BCL9: variants seen among roughly 807,000 people sequenced by gnomAD.
The protein encoded by BCL9 is BCL9 transcription coactivator.
BCL9 carries 25 observed loss-of-function variants against 88.5 expected under a neutral mutation model. The observed-to-expected ratio is 0.28, with a 90% CI of 0.21 to 0.39. BCL9 has a LOEUF of 0.39. Among genes scored for constraint, BCL9 ranks in the 10% least tolerant of loss-of-function variants. The pLI is 1.00. For synonymous variants in BCL9, 711 were observed against 673.3 expected, an observed-to-expected ratio of 1.06 and a Z score of -0.87; for missense variants, 1,817 against 1,877.8, an observed-to-expected ratio of 0.97 and a Z score of 0.60.
intron 9 of BCL9, among the ~76,000 whole-genome samples, chr1:147,623,362 C>T (rs887707809): frequency 2.0e-5 from 3 of 152,082 alleles, no homozygotes; most frequent in African/African-American, 4.8e-5. Context: ...CGTGGAATCT[C>T]GAGTTTTAAA....
chr1:147,616,333 C>G (rs116161634), intron 7 of BCL9, among the ~76,000 whole-genome samples: 1 of 152,168 alleles, frequency 6.6e-6, no homozygotes. Flanking sequence ...AGAGCCTCAT[C>G]GACTTTCAGA....
chr1:147,610,602 C>T (rs970234249), intron 3 of BCL9, among the ~76,000 whole-genome samples: 2 of 152,178 alleles, frequency 1.3e-5, no homozygotes, highest in Admixed American at 1.3e-4. Flanking sequence ...TATTCTCCTC[C>T]TTCATTCCTA....
intron 1 of BCL9, among the ~76,000 whole-genome samples, chr1:147,563,763 T>C (rs1161540111): frequency 2.0e-5 from 3 of 152,166 alleles, no homozygotes; most frequent in African/African-American, 7.2e-5. Flanking sequence ...GCCTATAGAG[T>C]CAGCAGCACT....
At chr1:147,599,215 G>A (rs1366111157) in intron 1 of BCL9, among the ~76,000 whole-genome samples, 1 of 152,234 alleles carries the variant, frequency 6.6e-6, no homozygotes, top group Non-Finnish European at 1.5e-5. Context: ...CGCAGAGGGC[G>A]GAGGAGAGCG....
Position 147,617,130 on chromosome 1 carries a change from C to G in BCL9, c.660+1228C>G, listed in dbSNP as rs910770951. ...ATATTCCCCATGCATCTTGACTACT[C>G]AAGGGTAGAAGATGCATACAGTTAT... On this transcript the variant is annotated intron_variant, in intron 7 of 9. Transcript: ENST00000234739. 2.0e-5 allele frequency among the ~76,000 whole-genome samples: 3 copies of G among 152,180 alleles called. No homozygotes were observed. In the East Asian group the frequency reaches 5.8e-4, roughly 29 times the overall value.
chr1:147,570,087 G>A (rs1432323000), intron 1 of BCL9, among the ~76,000 whole-genome samples: 1 of 152,178 alleles, frequency 6.6e-6, no homozygotes, highest in African/African-American at 2.4e-5. Context: ...GTTTCGTCAG[G>A]CATTTACTGC....
rs1361103804 is a variant in BCL9 at position 147,590,612 on chromosome 1, C to T, written c.-477-14165C>T. On this transcript the variant is annotated intron_variant, in intron 1 of 9. Coordinates refer to ENST00000234739, the MANE Select transcript of BCL9 (RefSeq NM_004326.4). Reference sequence around the variant, plus strand: ...GTGTTCTAGTTCAGGAATCACCACTCATCATCACATGACCTTGAACTAGTC... The same window carrying T: ...GTGTTCTAGTTCAGGAATCACCACTTATCATCACATGACCTTGAACTAGTC... Among the ~76,000 whole-genome samples the T allele has an allele frequency of 1.5e-4, 13 of 86,418 alleles. No homozygotes were observed. The African/African-American group carries it at 1.8e-3, about 12-fold the overall frequency. 56.7% of individuals were successfully genotyped at this position (86,418 alleles called of 152,430 possible). A position where few individuals can be genotyped will look rare whatever the true frequency, so the allele number is the denominator to read the frequency against.
chr1:147,606,268 GC>G (rs1553201976), intron 2 of BCL9, among the ~76,000 whole-genome samples: 1 of 152,146 alleles, frequency 6.6e-6, no homozygotes, highest in African/African-American at 2.4e-5. Flanking sequence ...ACATTATTCA[GC>G]TCTTAAGTTC....
chr1:147,606,008 T>G (rs782579606), intron 2 of BCL9, among the ~76,000 whole-genome samples: 12 of 152,248 alleles, frequency 7.9e-5, no homozygotes, highest in Non-Finnish European at 1.5e-4. Context: ...CATGCTTCTC[T>G]AGGAATCCTT....
chr1:147,558,119 A>G (rs1169735931), intron 1 of BCL9, among the ~76,000 whole-genome samples: 1 of 152,148 alleles, frequency 6.6e-6, no homozygotes, highest in Middle Eastern at 3.2e-3. Flanking sequence ...ATGTCATTTA[A>G]TTCTCCCAAC....
At chr1:147,567,083 G>A (rs1323567587) in intron 1 of BCL9, among the ~76,000 whole-genome samples, 1 of 152,122 alleles carries the variant, frequency 6.6e-6, no homozygotes, top group Non-Finnish European at 1.5e-5. Context: ...GATATTATCT[G>A]TTTACAGTTT....
rs782517315 is a variant in BCL9, at chr1:147,620,383, G to A, written c.2228G>A (p.Gly743Asp). 2.7e-5 allele frequency: 44 copies of A among 1,613,764 alleles called. No individual in the cohort carries two copies. The highest frequency in any genetic ancestry group is 1.3e-4 in the Admixed American group (8 of 59,984). The change falls in exon 8 of 10, where the codon GGC becomes GAC. Residue 743 changes from glycine (G) to aspartate (D), a missense_variant. Coordinates refer to ENST00000234739, the MANE Select transcript of BCL9 (RefSeq NM_004326.4). ...CAGAAGATGAGAGAGGCTGGGGCGG[G>A]CCCTGAGGAGATGCTGAAATTACGC... The part of the protein sequence containing the change: ...IPQKMREAGA[G>D]PEEMLKLRPG...
intron 4 of BCL9, among the ~76,000 whole-genome samples, chr1:147,612,458 T>G (rs1658057979): frequency 6.6e-6 from 1 of 152,170 alleles, no homozygotes; most frequent in Non-Finnish European, 1.5e-5. Context: ...GGGACCAGCT[T>G]GCATTTTCCA....
At chr1:147,599,616 C>G (rs1237220535) in intron 1 of BCL9, among the ~76,000 whole-genome samples, 5 of 152,120 alleles carry the variant, frequency 3.3e-5, no homozygotes, top group African/African-American at 1.2e-4. Context: ...CCCGCCGGCC[C>G]CTCAGGAGGC....
chr1:147,543,238 C>G (rs940342455), intron 1 of BCL9, among the ~76,000 whole-genome samples: 1 of 152,180 alleles, frequency 6.6e-6, no homozygotes, highest in East Asian at 1.9e-4. Context: ...TCTGAATTCT[C>G]TGGAGGAGTT....
intron 1 of BCL9, among the ~76,000 whole-genome samples, chr1:147,548,299 C>T (rs1654708549): frequency 6.6e-6 from 1 of 152,138 alleles, no homozygotes; most frequent in Non-Finnish European, 1.5e-5. Flanking sequence ...GTATAGACAT[C>T]CATGACACAC....
chr1:147,579,094 G>C (rs1410049933), intron 1 of BCL9, among the ~76,000 whole-genome samples: 2 of 152,138 alleles, frequency 1.3e-5, no homozygotes, highest in African/African-American at 4.8e-5. Flanking sequence ...TCGAACTCCT[G>C]ACCTCAAGTG....
intron 1 of BCL9, among the ~76,000 whole-genome samples, chr1:147,588,387 C>T (rs996200715): frequency 1.1e-4 from 17 of 151,736 alleles, no homozygotes; most frequent in African/African-American, 3.6e-4. Flanking sequence ...CTTAAACTCT[C>T]AGATTCTTAT....
At chr1:147,585,762 T>G (rs1035239329) in intron 1 of BCL9, among the ~76,000 whole-genome samples, 2 of 152,206 alleles carry the variant, frequency 1.3e-5, no homozygotes, top group Admixed American at 6.5e-5. Flanking sequence ...TGCTGAGTGC[T>G]TTAAGCGTTT....
Sources: allele counts gnomAD v4.1 joint callset (sites outside exome capture counted in the v4.1 genomes callset), GRCh38; gene constraint gnomAD v4.1.1; transcripts MANE v1.5; gene names NCBI Gene and HGNC (gene_info 2026-07-23, HGNC 2026-07-21).